ADGRG6: variants seen among roughly 807,000 people sequenced by gnomAD.
ADGRG6 encodes the protein adhesion G protein-coupled receptor G6.
A neutral mutation model predicts 142.4 loss-of-function variants in ADGRG6; 84 were observed. The observed-to-expected ratio is 0.59, with a 90% confidence interval of 0.49 to 0.71. The LOEUF (loss-of-function observed/expected upper bound fraction) is 0.71, where lower values mean the gene tolerates loss of function less well. ADGRG6 is among the 30% of genes least tolerant of loss of function. ADGRG6 has a pLI of 0.00. For missense variants in ADGRG6, 1,367 were observed against 1,466.6 expected (o/e 0.93, Z 1.11); for synonymous variants, 521 against 520.5 (o/e 1.00, Z -0.01).
At chr6:142,331,189 G>A (rs1359195240) in intron 2 of ADGRG6, among the ~76,000 whole-genome samples, 1 of 151,200 alleles carries the variant, frequency 6.6e-6, no homozygotes, top group East Asian at 1.9e-4. Context: ...GGACTTTTTA[G>A]TGTTTCCCCA....
chr6:142,394,795 C>T (rs1045284752), intron 9 of ADGRG6, among the ~76,000 whole-genome samples: 3 of 151,922 alleles, frequency 2.0e-5, no homozygotes, highest in African/African-American at 4.8e-5. Flanking sequence ...CTATGTTGCT[C>T]AGGCTCATCT....
Position 142,415,201 on chromosome 6 carries a change from A to G in ADGRG6, c.2669+105A>G, listed in dbSNP as rs879090987. The G allele has an allele frequency of 2.6e-5, 17 of 649,216 alleles. No homozygotes were observed. In the South Asian group the frequency reaches 7.1e-4, roughly 27 times the overall value. The allele number at this position is 649,216 out of a possible 1,614,324, so 40.2% of individuals were successfully genotyped here. A position where few individuals can be genotyped will look rare whatever the true frequency, so the allele number is the denominator to read the frequency against. On this transcript the variant is annotated intron_variant, in intron 19 of 24. Transcript: ENST00000367609. ...CATTTATACACTGTAGGGTGGTTGA[A>G]CGTTAATGTTCATGTTTCTGATAAA...
intron 5 of ADGRG6, among the ~76,000 whole-genome samples, chr6:142,382,853 C>T (rs887117001): frequency 6.6e-6 from 1 of 152,078 alleles, no homozygotes; most frequent in African/African-American, 2.4e-5. Context: ...AAATAAAAAC[C>T]TAAGCTCTCT....
chr6:142,424,774 A>G (rs539784270), intron 22 of ADGRG6, among the ~76,000 whole-genome samples: 172 of 152,260 alleles, frequency 1.1e-3, no homozygotes, highest in African/African-American at 3.9e-3. Context: ...AAAAATCATG[A>G]TGTGGTCCCT....
intron 1 of ADGRG6, 109 bp downstream of exon 1, chr6:142,302,440 C>A: frequency 8.6e-7 from 1 of 1,160,266 alleles, no homozygotes; most frequent in South Asian, 1.5e-5. Context: ...TTTATAAGGA[C>A]TTCAACTGCA....
At position 142,393,915 on chromosome 6, in the gene ADGRG6, GAGGAC is replaced by G. The variant is rs1291197425; in HGVS notation, c.1383_1387del (p.Lys463Ter). 1.9e-6 allele frequency: 3 copies of G among 1,560,064 alleles called. No individual in the cohort carries two copies. The highest frequency in any genetic ancestry group is 2.6e-6 in the Non-Finnish European group (3 of 1,149,336). Reference sequence around the variant, plus strand: ...TTTTAGTTTTCACCTGAGTGCTGGAGAGGACAAGATTAAAGTCAAGAGAAGCCTTG... The same window carrying G: ...TTTTAGTTTTCACCTGAGTGCTGGAGAAGATTAAAGTCAAGAGAAGCCTTG... On this transcript the variant is annotated frameshift_variant, in exon 9 of 25. Coordinates refer to ENST00000367609, the MANE Select transcript of ADGRG6 (RefSeq NM_198569.3). LOFTEE classifies it high-confidence loss of function.
intron 2 of ADGRG6, among the ~76,000 whole-genome samples, chr6:142,347,224 A>G (rs1241892777): frequency 6.6e-6 from 1 of 152,154 alleles, no homozygotes; most frequent in African/African-American, 2.4e-5. Flanking sequence ...TGAACAAGTG[A>G]AAGTTTGCTT....
chr6:142,418,695 A>G (rs1776500167), intron 21 of ADGRG6, among the ~76,000 whole-genome samples: 1 of 152,152 alleles, frequency 6.6e-6, no homozygotes, highest in South Asian at 2.1e-4. Context: ...GAATCATGTT[A>G]GTTTCTAGAA....
chr6:142,353,352 G>A lies in ADGRG6; in HGVS notation c.104-14217G>A, dbSNP rs544579302. Among the ~76,000 whole-genome samples the A allele has an allele frequency of 1.7e-4, 26 of 152,244 alleles. 1 individual carries two copies. The South Asian group carries it at 4.6e-3, about 27-fold the overall frequency. On this transcript the variant is annotated intron_variant, in intron 2 of 24. Transcript: ENST00000367609. ...TCTCCCATGATGTTATTCTAATTAT[G>A]TTTAACAAGATGCCAATCATCTTGC... is the stretch of plus-strand genomic sequence containing the variant.
intron 2 of ADGRG6, among the ~76,000 whole-genome samples, chr6:142,363,008 A>C (rs1300725389): frequency 6.6e-6 from 1 of 152,240 alleles, no homozygotes; most frequent in Non-Finnish European, 1.5e-5. Flanking sequence ...CAGACCAAGC[A>C]GGCAACTTAA....
rs1779264690 is a variant in ADGRG6 at position 142,335,421 on chromosome 6, G to T, written c.103+25777G>T. On this transcript the variant is annotated intron_variant, in intron 2 of 24. Coordinates refer to ENST00000367609, the MANE Select transcript of ADGRG6 (RefSeq NM_198569.3). ...AATATAAATAGAGAATGAAAATGGA[G>T]AACAGGGGAGCACAAGAAAGCCTTT... 2.0e-5 allele frequency among the ~76,000 whole-genome samples: 3 copies of T among 152,154 alleles called. No individual in the cohort carries two copies. In the South Asian group the frequency reaches 6.2e-4, roughly 32 times the overall value.
intron 21 of ADGRG6, among the ~76,000 whole-genome samples, chr6:142,418,409 C>G (rs930930132): frequency 6.6e-6 from 1 of 151,734 alleles, no homozygotes; most frequent in Non-Finnish European, 1.5e-5. Context: ...CTCAAAAGAC[C>G]CCACAAGAAC....
At chr6:142,352,110 T>C (rs1463579164) in intron 2 of ADGRG6, among the ~76,000 whole-genome samples, 1 of 152,170 alleles carries the variant, frequency 6.6e-6, no homozygotes, top group African/African-American at 2.4e-5. Context: ...AGTCTCACTA[T>C]TGGGTATATA....
rs141083328 is a variant in ADGRG6 at position 142,392,908 on chromosome 6, G to T, written c.1309-40G>T. 1.1e-4 allele frequency: 146 copies of T among 1,368,146 alleles called. 4 individuals are homozygous for T. In the Middle Eastern group the frequency reaches 2.0e-3, roughly 19 times the overall value. 84.8% of individuals were successfully genotyped at this position (1,368,146 alleles called of 1,614,324 possible). On this transcript the variant is annotated intron_variant, in intron 7 of 24. Coordinates refer to ENST00000367609, the MANE Select transcript of ADGRG6 (RefSeq NM_198569.3). ...AAACTTGAATTAGATATTTTTTAAAGGTATTAGCAAAACTCAGCCTTTTCC... is the reference window on the plus strand; with the variant it reads ...AAACTTGAATTAGATATTTTTTAAATGTATTAGCAAAACTCAGCCTTTTCC...
chr6:142,309,524 G>A lies in ADGRG6; in HGVS notation c.3-20G>A. ...TTACTGAATGTTGAATGTCCTAATT[G>A]CCATCTTCTTTCTTTGCAGGATGTT... On this transcript the variant is annotated intron_variant, in intron 1 of 24. Coordinates refer to ENST00000367609, the MANE Select transcript of ADGRG6 (RefSeq NM_198569.3). The A allele has an allele frequency of 6.4e-7, 1 of 1,557,000 alleles. No individual in the cohort carries two copies.
chr6:142,304,955 A>G (rs910519510), intron 1 of ADGRG6, among the ~76,000 whole-genome samples: 4 of 152,218 alleles, frequency 2.6e-5, no homozygotes, highest in South Asian at 4.1e-4. Flanking sequence ...CTTGAAATGG[A>G]ATTATCTGGA....
At position 142,327,064 on chromosome 6, in the gene ADGRG6, A is replaced by G. The variant is rs183462155; in HGVS notation, c.103+17420A>G. On this transcript the variant is annotated intron_variant, in intron 2 of 24. Transcript: ENST00000367609. ...CATCTTGGTCTGATTATGAAAGACT[A>G]GTATTCCATCTTGCTCCAGTACTTT... is the stretch of plus-strand genomic sequence containing the variant. 1.1e-3 allele frequency among the ~76,000 whole-genome samples: 164 copies of G among 152,220 alleles called. 1 individual carries two copies. In the Middle Eastern group the frequency reaches 0.02, roughly 19 times the overall value.
chr6:142,438,426 A>G (rs1163115801), intron 24 of ADGRG6, 62 bp downstream of exon 24: 2 of 1,131,750 alleles, frequency 1.8e-6, no homozygotes, highest in African/African-American at 3.2e-5. Flanking sequence ...AAATTGGCAT[A>G]TCATGAAGAT....
intron 6 of ADGRG6, among the ~76,000 whole-genome samples, chr6:142,384,799 T>C (rs985625485): frequency 2.6e-5 from 4 of 152,134 alleles, no homozygotes; most frequent in African/African-American, 9.7e-5. Context: ...AGAGGTTACA[T>C]CAATTTCCTC....
Sources: allele counts gnomAD v4.1 joint callset (sites outside exome capture counted in the v4.1 genomes callset), GRCh38; gene constraint gnomAD v4.1.1; transcripts MANE v1.5; gene names NCBI Gene and HGNC (gene_info 2026-07-23, HGNC 2026-07-21).